FAM227B: variants seen among roughly 807,000 people sequenced by gnomAD.
FAM227B encodes family with sequence similarity 227 member B.
Under a neutral mutation model 73.8 loss-of-function variants are expected in FAM227B, and 88 were observed. That is an observed-to-expected ratio of 1.19 (90% confidence interval 1.00 to 1.42). The LOEUF is 1.42. Ranked by LOEUF, FAM227B falls within the 40% of genes most tolerant of loss-of-function variation. FAM227B has a pLI of 0.00. For synonymous variants in FAM227B, 210 were observed against 190.5 expected (o/e 1.10, Z -0.84); for missense variants, 632 against 590.9 (o/e 1.07, Z -0.72).
At chr15:49,565,287 C>G (rs1229749033) in intron 9 of FAM227B, among the ~76,000 whole-genome samples, 1 of 148,636 alleles carries the variant, frequency 6.7e-6, no homozygotes, top group Admixed American at 6.9e-5. Flanking sequence ...GAGGCTGAGG[C>G]AGAAGAATCG....
rs763521603 is a variant in FAM227B, at chr15:49,576,753, G to A, written c.534C>T (p.Ala178=). 3 of 1,572,742 alleles carry A rather than the reference G, an allele frequency of 1.9e-6. No homozygotes were observed. Among genetic ancestry groups the A allele is most frequent in the Non-Finnish European group, 2.6e-6 (3 of 1,143,552 alleles). Residue 178 remains alanine (A), a synonymous_variant, in exon 7 of 16, where the codon GCC becomes GCT. Transcript: ENST00000299338. ...AEQIYLFILK[A]HNFDERVFKI... is the part of the protein sequence containing the mutation. ...AATATTTACATACATCAAAATTATG[G>A]GCTTTTAAAATAAAAAGATAAATTT...
chr15:49,332,118 CAT>C (rs143117953), intron 14 of FAM227B, among the ~76,000 whole-genome samples: 3 of 142,946 alleles, frequency 2.1e-5, no homozygotes, highest in Admixed American at 7.1e-5. Flanking sequence ...CACACACACA[CAT>C]CCACAACAGT....
chr15:49,513,765 T>C (rs1012915064), intron 10 of FAM227B, among the ~76,000 whole-genome samples: 5 of 152,120 alleles, frequency 3.3e-5, no homozygotes, highest in African/African-American at 1.2e-4. Flanking sequence ...TCTTGAGTTA[T>C]ATTTTTATAT....
intron 10 of FAM227B, among the ~76,000 whole-genome samples, chr15:49,538,328 T>G (rs1567520435): frequency 6.6e-6 from 1 of 152,210 alleles, no homozygotes. Flanking sequence ...GCCAAGCTTC[T>G]GATTCCCTGG....
At chr15:49,472,403 C>T (rs1483104470) in intron 11 of FAM227B, among the ~76,000 whole-genome samples, 2 of 152,138 alleles carry the variant, frequency 1.3e-5, no homozygotes, top group East Asian at 3.9e-4. Flanking sequence ...TAAAGGGCTT[C>T]TGCTGGGTAC....
At chr15:49,568,015 C>G (rs2074793276) in intron 9 of FAM227B, among the ~76,000 whole-genome samples, 1 of 151,756 alleles carries the variant, frequency 6.6e-6, no homozygotes, top group South Asian at 2.1e-4. Flanking sequence ...AATATGCAAA[C>G]AAAGTTCCTG....
intron 5 of FAM227B, among the ~76,000 whole-genome samples, chr15:49,586,149 C>T (rs2076148481): frequency 6.6e-6 from 1 of 152,054 alleles, no homozygotes; most frequent in Non-Finnish European, 1.5e-5. Flanking sequence ...AACTACAGGG[C>T]TACAGCCACC....
At chr15:49,439,082 TG>T (rs1485405776) in intron 11 of FAM227B, among the ~76,000 whole-genome samples, 2 of 151,764 alleles carry the variant, frequency 1.3e-5, no homozygotes, top group African/African-American at 4.8e-5. Flanking sequence ...CAGCTAGGGC[TG>T]AAGTCTTCTT....
At chr15:49,560,013 C>T (rs1271191315) in intron 9 of FAM227B, among the ~76,000 whole-genome samples, 1 of 151,872 alleles carries the variant, frequency 6.6e-6, no homozygotes, top group Non-Finnish European at 1.5e-5. Context: ...TCTAGTTCCT[C>T]CGCAATGGTT....
chr15:49,328,123 A>C lies in FAM227B; in HGVS notation c.*445T>G. 6.2e-7 allele frequency: 1 copy of C among 1,614,068 alleles called. No individual in the cohort carries two copies. The highest frequency in any genetic ancestry group is 8.5e-7 in the Non-Finnish European group (1 of 1,179,970). ...AGAAGCAAAGTTTGTTTGCTACCAA[A>C]CCTGGAGGTGGGGCTTTGGTTTTGC... On this transcript the variant is annotated 3_prime_UTR_variant, in exon 16 of 16. Transcript: ENST00000299338.
chr15:49,494,261 AC>A (rs1326982620), intron 11 of FAM227B, among the ~76,000 whole-genome samples: 1 of 136,992 alleles, frequency 7.3e-6, no homozygotes, highest in Non-Finnish European at 1.6e-5. Flanking sequence ...ACACAAACAC[AC>A]ACACACACAC....
In FAM227B at chr15:49,365,256, A is replaced by G. The variant is rs1399377720; in HGVS notation, c.1271+2192T>C. ...TCCTTACATTTCCAGGCAACAACTG[A>G]GGCAATAATAAGTGTGCAAGTTACT... On this transcript the variant is annotated intron_variant, in intron 13 of 15. Coordinates refer to ENST00000299338, the MANE Select transcript of FAM227B (RefSeq NM_152647.3). 1.0e-5 allele frequency: 12 copies of G among 1,189,892 alleles called. No homozygotes were observed. The Admixed American group carries it at 1.9e-4, about 18-fold the overall frequency. 73.7% of individuals were successfully genotyped at this position (1,189,892 alleles called of 1,614,324 possible).
chr15:49,373,415 C>A (rs558541688), intron 11 of FAM227B, among the ~76,000 whole-genome samples: 1 of 152,082 alleles, frequency 6.6e-6, no homozygotes, highest in East Asian at 1.9e-4. Flanking sequence ...TTTCCTCTAA[C>A]CCATTGATTA....
At chr15:49,416,015 T>G (rs2049184673) in intron 11 of FAM227B, among the ~76,000 whole-genome samples, 1 of 152,164 alleles carries the variant, frequency 6.6e-6, no homozygotes, top group Non-Finnish European at 1.5e-5. Flanking sequence ...CCTATTACCA[T>G]GACCTACAAA....
At chr15:49,502,439 T>C (rs1004119103) in intron 11 of FAM227B, among the ~76,000 whole-genome samples, 12 of 152,258 alleles carry the variant, frequency 7.9e-5, no homozygotes, top group Non-Finnish European at 1.6e-4. Context: ...GAGGTTATTT[T>C]GGAGCTTTAA....
In FAM227B at chr15:49,328,054, G is replaced by A. The variant is rs760127486; in HGVS notation, c.*514C>T. On this transcript the variant is annotated 3_prime_UTR_variant, in exon 16 of 16. Transcript: ENST00000299338. ...AGCTGCCCAGCTTTCTAGCAAATGT[G>A]CACAAAGCTTATTACCAGAGGAGTG... is the stretch of plus-strand genomic sequence containing the variant. 2 of 1,613,934 alleles carry A rather than the reference G, an allele frequency of 1.2e-6. No homozygotes were observed. Among genetic ancestry groups the A allele is most frequent in the African/African-American group, 2.7e-5 (2 of 74,906 alleles).
chr15:49,571,911 T>C (rs2075132411), intron 8 of FAM227B, among the ~76,000 whole-genome samples: 1 of 152,058 alleles, frequency 6.6e-6, no homozygotes, highest in South Asian at 2.1e-4. Context: ...TGTTAGGGAT[T>C]GCATTGATTC....
intron 11 of FAM227B, among the ~76,000 whole-genome samples, chr15:49,502,169 A>C (rs932879414): frequency 6.6e-6 from 1 of 152,240 alleles, no homozygotes; most frequent in African/African-American, 2.4e-5. Flanking sequence ...AAAATGTAGG[A>C]TAAGAGCCCC....
intron 11 of FAM227B, among the ~76,000 whole-genome samples, chr15:49,477,061 A>T (rs1316813754): frequency 1.5e-5 from 1 of 65,702 alleles, no homozygotes; most frequent in Non-Finnish European, 2.7e-5. Context: ...CTCTGTCTCG[A>T]AAAAAAAAAA....
Sources: gnomAD v4.1 joint callset for allele counts (sites outside exome capture counted in the v4.1 genomes callset) on GRCh38, gnomAD v4.1.1 for gene constraint, MANE v1.5 for transcripts, NCBI Gene and HGNC (gene_info 2026-07-23, HGNC 2026-07-21) for gene names.